Variants in ME1 observed in about 807,000 individuals in gnomAD.
ME1 encodes the protein malic enzyme 1, also known as NADP-dependent malic enzyme.
In ME1, 74 loss-of-function variants were observed where a neutral mutation model predicts 66.4. That is an observed-to-expected ratio of 1.11 (90% CI 0.92 to 1.35). The LOEUF (loss-of-function observed/expected upper bound fraction) is 1.35. Among genes scored for constraint, ME1 ranks in the 40% most tolerant of loss-of-function variants. The pLI, the probability that ME1 is intolerant of heterozygous loss-of-function variation, is 0.00. For synonymous variants in ME1, 251 were observed against 235.6 expected, an observed-to-expected ratio of 1.07 and a Z score of -0.60; for missense variants, 750 against 694.1, an observed-to-expected ratio of 1.08 and a Z score of -0.90.
At chr6:83,420,444 G>C (rs1236668258) in intron 1 of ME1, among the ~76,000 whole-genome samples, 1 of 152,192 alleles carries the variant, frequency 6.6e-6, no homozygotes, top group African/African-American at 2.4e-5. Context: ...CAGCAAAAGA[G>C]AAGCCTACGT....
intron 6 of ME1, among the ~76,000 whole-genome samples, chr6:83,271,220 A>C (rs1017365467): frequency 2.6e-5 from 4 of 152,198 alleles, no homozygotes; most frequent in Admixed American, 6.6e-5. Context: ...CTAACTTCAC[A>C]AAGCTCCAGA....
chr6:83,430,580 C>T, intron 1 of ME1, among the ~76,000 whole-genome samples: 1 of 152,224 alleles, frequency 6.6e-6, no homozygotes, highest in East Asian at 1.9e-4. Flanking sequence ...AGAAGAGCTG[C>T]CGAAAAGTAT....
At chr6:83,415,315 G>A (rs1770139916) in intron 1 of ME1, among the ~76,000 whole-genome samples, 1 of 152,100 alleles carries the variant, frequency 6.6e-6, no homozygotes, top group Non-Finnish European at 1.5e-5. Flanking sequence ...GTTTCTTCCT[G>A]TGTCCTTTGC....
At chr6:83,360,417 G>A (rs1374417910) in intron 3 of ME1, among the ~76,000 whole-genome samples, 1 of 152,122 alleles carries the variant, frequency 6.6e-6, no homozygotes, top group South Asian at 2.1e-4. Flanking sequence ...GCTTATGGAG[G>A]TCAGGTAATT....
chr6:83,380,128 T>C (rs1161185874), intron 3 of ME1, among the ~76,000 whole-genome samples: 1 of 151,912 alleles, frequency 6.6e-6, no homozygotes, highest in African/African-American at 2.4e-5. Flanking sequence ...AGATACAGAG[T>C]TGCTACCCTC....
chr6:83,263,657 T>A (rs1007511100), intron 6 of ME1, among the ~76,000 whole-genome samples: 13 of 152,106 alleles, frequency 8.5e-5, no homozygotes, highest in African/African-American at 3.1e-4. Flanking sequence ...TCTTCAATTC[T>A]ATAAAGGCTG....
At chr6:83,412,660 A>T (rs1293239553) in intron 1 of ME1, among the ~76,000 whole-genome samples, 1 of 131,112 alleles carries the variant, frequency 7.6e-6, no homozygotes, top group Admixed American at 8.5e-5. Flanking sequence ...ATATTACCCA[A>T]CAGTAAAAAA....
chr6:83,380,998 C>A (rs1769384547), intron 3 of ME1, among the ~76,000 whole-genome samples: 1 of 151,912 alleles, frequency 6.6e-6, no homozygotes, highest in Non-Finnish European at 1.5e-5. Context: ...AAAGCTGAAC[C>A]AATGAATTCA....
chr6:83,319,602 A>T (rs1193840124), intron 5 of ME1, among the ~76,000 whole-genome samples: 1 of 152,234 alleles, frequency 6.6e-6, no homozygotes. Flanking sequence ...TGAGAAAGTT[A>T]TTCAGCTGCT....
At chr6:83,334,185 G>A (rs949144021) in intron 5 of ME1, among the ~76,000 whole-genome samples, 12 of 151,288 alleles carry the variant, frequency 7.9e-5, no homozygotes, top group South Asian at 2.1e-4. Flanking sequence ...TTCCTTTTCC[G>A]AGTCAAAGAA....
intron 5 of ME1, among the ~76,000 whole-genome samples, chr6:83,326,197 C>T (rs561703195): frequency 6.6e-6 from 1 of 151,444 alleles, no homozygotes; most frequent in Admixed American, 6.6e-5. Context: ...TGGCAGAAAA[C>T]TGAAACTGGA....
At chr6:83,252,531 G>T (rs939881357) in intron 7 of ME1, among the ~76,000 whole-genome samples, 4 of 152,076 alleles carry the variant, frequency 2.6e-5, no homozygotes, top group African/African-American at 9.7e-5. Flanking sequence ...AAACTCCTAC[G>T]CTCAAGCGAT....
chr6:83,253,769 G>T, intron 6 of ME1, 31 bp from the exon 7 acceptor site: 1 of 1,089,798 alleles, frequency 9.2e-7, no homozygotes, highest in Non-Finnish European at 1.4e-6. Flanking sequence ...TATTAGAAGA[G>T]GTTAATAAAA....
At chr6:83,353,970 C>T (rs2128544808) in intron 3 of ME1, among the ~76,000 whole-genome samples, 1 of 152,252 alleles carries the variant, frequency 6.6e-6, no homozygotes, top group South Asian at 2.1e-4. Flanking sequence ...TGCTGAGATA[C>T]CACATTTGCC....
At chr6:83,246,692 A>G (rs1242496355) in intron 7 of ME1, among the ~76,000 whole-genome samples, 1 of 152,100 alleles carries the variant, frequency 6.6e-6, no homozygotes, top group Admixed American at 6.6e-5. Context: ...TACTTTGTAT[A>G]TTTAATTTGC....
At chr6:83,241,550 T>C (rs1316622136) in intron 7 of ME1, among the ~76,000 whole-genome samples, 1 of 152,156 alleles carries the variant, frequency 6.6e-6, no homozygotes, top group Non-Finnish European at 1.5e-5. Flanking sequence ...TATTTCATAA[T>C]ATTTCCTGAG....
chr6:83,246,226 A>AT (rs1191694275), intron 7 of ME1, among the ~76,000 whole-genome samples: 1 of 152,146 alleles, frequency 6.6e-6, no homozygotes, highest in Non-Finnish European at 1.5e-5. Context: ...TATATTAGGT[A>AT]TTTTTGATAT....
Position 83,346,346 on chromosome 6 carries a change from A to G in ME1, c.439-12T>C. ...GTCACCACAATGGCCTGGAAGAAAA[A>G]GAAAAATTACCTATTAACAAGTTTT... On this transcript the variant is annotated splice_polypyrimidine_tract_variant and intron_variant, in intron 4 of 13. Coordinates refer to ENST00000369705, the MANE Select transcript of ME1 (RefSeq NM_002395.6). 6.4e-7 allele frequency: 1 copy of G among 1,562,040 alleles called. No homozygotes were observed. Among genetic ancestry groups the G allele is most frequent in the Non-Finnish European group, 8.7e-7 (1 of 1,154,010 alleles).
In ME1 at chr6:83,258,035, C is replaced by T. The variant is rs550425581; in HGVS notation, c.705-4297G>A. On this transcript the variant is annotated intron_variant, in intron 6 of 13. Transcript: ENST00000369705. ...CTACTTACTTGGTTCTGCGGTTTTGCGCTTGTTAGAATTTCTCTGTGGTTA... is the reference window on the plus strand; with the variant it reads ...CTACTTACTTGGTTCTGCGGTTTTGTGCTTGTTAGAATTTCTCTGTGGTTA... Among the ~76,000 whole-genome samples the T allele has an allele frequency of 2.8e-4, 42 of 152,152 alleles. No individual in the cohort carries two copies. In the South Asian group the frequency reaches 7.1e-3, roughly 26 times the overall value.
Sources: allele counts gnomAD v4.1 joint callset (sites outside exome capture counted in the v4.1 genomes callset), GRCh38; gene constraint gnomAD v4.1.1; transcripts MANE v1.5; gene names NCBI Gene and HGNC (gene_info 2026-07-23, HGNC 2026-07-21).